The following SSH1 variants were observed in gnomAD, a reference collection of about 807,000 sequenced individuals.
The protein encoded by SSH1 is protein phosphatase Slingshot homolog 1.
SSH1 carries 43 observed loss-of-function variants against 79.7 expected under a neutral mutation model. The ratio of observed to expected loss-of-function variants is 0.54; its 90% CI spans 0.42 to 0.70. The LOEUF (loss-of-function observed/expected upper bound fraction) is 0.70. Ranked by LOEUF, SSH1 falls within the 30% of genes least tolerant of loss-of-function variation. The probability of loss-of-function intolerance (pLI) is 0.00; values close to 1 mark genes in which losing one functional copy is unlikely to be tolerated. For synonymous variants in SSH1, 599 were observed against 538.3 expected, an observed-to-expected ratio of 1.11 and a Z score of -1.56; for missense variants, 1,206 against 1,358.8, an observed-to-expected ratio of 0.89 and a Z score of 1.77.
chr12:108,778,228 A>G lies in SSH1; in HGVS notation c.*9760T>C, dbSNP rs571472820. ...GGAGATTTATTGTTTGCACCTGTCT[A>G]TAAGTACTTGCCCACAAGTTAAACA... On this transcript the variant is annotated 3_prime_UTR_variant, in exon 15 of 15. Transcript: ENST00000326495. The G allele has an allele frequency of 1.3e-5, 2 of 152,352 alleles. No homozygotes were observed. The highest frequency in any genetic ancestry group is 4.1e-4 in the South Asian group (2 of 4,824). The allele number at this position is 152,352 out of a possible 1,614,324, so 9.4% of individuals were successfully genotyped here.
intron 2 of SSH1, among the ~76,000 whole-genome samples, chr12:108,840,515 G>A (rs572505355): frequency 6.6e-5 from 10 of 151,688 alleles, no homozygotes; most frequent in East Asian, 1.9e-4. Flanking sequence ...CCTGGGTGAC[G>A]GAGCAAGACT....
At chr12:108,798,830 AAT>A (rs1379807704) in intron 13 of SSH1, among the ~76,000 whole-genome samples, 168 bp downstream of exon 13, 3 of 152,194 alleles carry the variant, frequency 2.0e-5, no homozygotes, top group African/African-American at 7.2e-5. Flanking sequence ...AAGCCCAAAC[AAT>A]AGTTGTTTTT....
In SSH1 at chr12:108,823,380, G is replaced by T; in HGVS notation, c.111-19C>A. 6.4e-7 allele frequency: 1 copy of T among 1,551,096 alleles called. No homozygotes were observed. Among genetic ancestry groups the T allele is most frequent in the Non-Finnish European group, 8.7e-7 (1 of 1,143,290 alleles). On this transcript the variant is annotated intron_variant, in intron 2 of 14. Coordinates refer to ENST00000326495, the MANE Select transcript of SSH1 (RefSeq NM_018984.4). The stretch of plus-strand genomic sequence containing the variant: ...ACTTAAGCTGGGAAGGATAAGACCA[G>T]AGCACAGTTAGACCGGAATTCAGAC...
At chr12:108,839,706 A>G (rs1344560211) in intron 2 of SSH1, among the ~76,000 whole-genome samples, 1 of 152,224 alleles carries the variant, frequency 6.6e-6, no homozygotes, top group Non-Finnish European at 1.5e-5. Flanking sequence ...AAAAACTGTA[A>G]AAGTAAAGGC....
At chr12:108,823,001 C>T (rs2038180086) in intron 3 of SSH1, among the ~76,000 whole-genome samples, 1 of 152,244 alleles carries the variant, frequency 6.6e-6, no homozygotes, top group African/African-American at 2.4e-5. Flanking sequence ...TGATAAACTA[C>T]AGAGAGGAAA....
At position 108,848,938 on chromosome 12, in the gene SSH1, G is replaced by C. The variant is rs536502892; in HGVS notation, c.110+3700C>G. Among the ~76,000 whole-genome samples the C allele has an allele frequency of 3.3e-5, 5 of 152,264 alleles. No individual in the cohort carries two copies. The East Asian group carries it at 9.7e-4, about 29-fold the overall frequency. ...TGCCACCAGTTGGCATGAGTCCTTGGTGCTGGCCCTGGCGCTGCTGCTAAT... is the reference window on the plus strand; with the variant it reads ...TGCCACCAGTTGGCATGAGTCCTTGCTGCTGGCCCTGGCGCTGCTGCTAAT... On this transcript the variant is annotated intron_variant, in intron 2 of 14. Coordinates refer to ENST00000326495, the MANE Select transcript of SSH1 (RefSeq NM_018984.4).
chr12:108,792,192 T>C (rs201424919), intron 14 of SSH1, 94 bp downstream of exon 14: 3 of 1,572,886 alleles, frequency 1.9e-6, no homozygotes, highest in East Asian at 2.3e-5. Flanking sequence ...TGGTGGCGGG[T>C]GCCTGTAGTC....
rs1343621037 is a variant in SSH1, at chr12:108,835,917, C to T, written c.111-12556G>A. Among the ~76,000 whole-genome samples, 51 of 74,396 alleles carry T rather than the reference C, an allele frequency of 6.9e-4. 7 individuals carry two copies. Among genetic ancestry groups the T allele is most frequent in the African/African-American group, 2.7e-3 (48 of 17,840 alleles). 48.8% of individuals were successfully genotyped at this position (74,396 alleles called of 152,430 possible). ...ACTATATTAATATAATTAATTATAA[C>T]TATATTAATATAATCAATTATAACT... On this transcript the variant is annotated intron_variant, in intron 2 of 14. Coordinates refer to ENST00000326495, the MANE Select transcript of SSH1 (RefSeq NM_018984.4).
rs1188377379 is a variant in SSH1, at chr12:108,782,044, G to A, written c.*5944C>T. ...GTGGGAGGATTGCTTGAGGCAGGAG[G>A]ATCACTTTAGCCTAGGAAGTCGAGG... is the stretch of plus-strand genomic sequence containing the variant. On this transcript the variant is annotated 3_prime_UTR_variant, in exon 15 of 15. Coordinates refer to ENST00000326495, the MANE Select transcript of SSH1 (RefSeq NM_018984.4). 6.7e-6 allele frequency: 1 copy of A among 150,096 alleles called. No homozygotes were observed. The highest frequency in any genetic ancestry group is 2.0e-4 in the East Asian group (1 of 5,126). 9.3% of individuals were successfully genotyped at this position (150,096 alleles called of 1,614,324 possible).
chr12:108,814,005 C>T (rs925892064), intron 5 of SSH1, among the ~76,000 whole-genome samples: 2 of 152,114 alleles, frequency 1.3e-5, no homozygotes, highest in Non-Finnish European at 2.9e-5. Flanking sequence ...GGGTGGATCA[C>T]TTGAGGTCAG....
rs2036165123 is a variant in SSH1 at position 108,782,734 on chromosome 12, C to T, written c.*5254G>A. The T allele has an allele frequency of 6.6e-6, 1 of 152,088 alleles. No homozygotes were observed. Among genetic ancestry groups the T allele is most frequent in the African/African-American group, 2.4e-5 (1 of 41,398 alleles). 9.4% of individuals were successfully genotyped at this position (152,088 alleles called of 1,614,324 possible). A position where few individuals can be genotyped will look rare whatever the true frequency, so the allele number is the denominator to read the frequency against. ...AAGTTTATTTTCATCACAAGAAGCA[C>T]ACACACTATATACAATACACACCAA... is the stretch of plus-strand genomic sequence containing the variant. On this transcript the variant is annotated 3_prime_UTR_variant, in exon 15 of 15. Transcript: ENST00000326495.
chr12:108,823,494 A>G (rs1373805115), intron 2 of SSH1, 133 bp from the exon 3 acceptor site: 2 of 750,516 alleles, frequency 2.7e-6, no homozygotes, highest in East Asian at 2.7e-5. Context: ...AACTGCTTTT[A>G]TAATAATTCC....
At chr12:108,792,184 G>C in intron 14 of SSH1, 102 bp downstream of exon 14, 1 of 1,576,018 alleles carries the variant, frequency 6.3e-7, no homozygotes, top group South Asian at 1.1e-5. Context: ...GCTGGGTGTG[G>C]TGGCGGGTGC....
intron 9 of SSH1, 42 bp downstream of exon 9, chr12:108,806,259 T>C (rs2037266346): frequency 6.4e-7 from 1 of 1,571,636 alleles, no homozygotes; most frequent in African/African-American, 1.4e-5. Context: ...ACATGGAGGC[T>C]GCATGACCTC....
intron 13 of SSH1, among the ~76,000 whole-genome samples, chr12:108,796,509 G>A (rs73410914): frequency 7.9e-4 from 121 of 152,312 alleles, no homozygotes; most frequent in African/African-American, 2.8e-3. Context: ...CATGACTGTC[G>A]TAGCCTGTGT....
At chr12:108,849,659 T>C (rs1322276221) in intron 2 of SSH1, among the ~76,000 whole-genome samples, 1 of 151,490 alleles carries the variant, frequency 6.6e-6, no homozygotes, top group Non-Finnish European at 1.5e-5. Flanking sequence ...TCTTATTAAC[T>C]GAAAACACTA....
Position 108,792,662 on chromosome 12 carries a change from G to T in SSH1, c.1517C>A (p.Pro506His), listed in dbSNP as rs780502277. 3.1e-6 allele frequency: 5 copies of T among 1,612,004 alleles called. No homozygotes were observed. In the South Asian group the frequency reaches 5.5e-5, roughly 18 times the overall value. Residue 506 changes from proline (P) to histidine (H), a missense_variant, in exon 14 of 15, where the codon CCC (proline) becomes CAC (histidine). Physicochemically the swap from Pro to His is moderately conservative, Grantham distance 77. Coordinates refer to ENST00000326495, the MANE Select transcript of SSH1 (RefSeq NM_018984.4). ...GAGTCGCCGGAAACAGCAGGGGAGG[G>T]GGGGCCCTAAGCCGGGCTGGGCGGC... The part of the protein sequence containing the change: ...DDAAQPGLGP[P>H]LPCCFRRLSD...
At chr12:108,852,001 A>G (rs2039048875) in intron 2 of SSH1, among the ~76,000 whole-genome samples, 1 of 152,168 alleles carries the variant, frequency 6.6e-6, no homozygotes, top group African/African-American at 2.4e-5. Flanking sequence ...TGAGGCCAGG[A>G]GTCCAAGACC....
chr12:108,793,019 G>C (rs1054157485), intron 13 of SSH1, among the ~76,000 whole-genome samples, 190 bp from the exon 14 acceptor site: 3 of 152,168 alleles, frequency 2.0e-5, no homozygotes, highest in Admixed American at 2.0e-4. Context: ...AACAGCACTG[G>C]CTCCTAAGTT....
Sources: gnomAD v4.1 joint callset for allele counts (sites outside exome capture counted in the v4.1 genomes callset) on GRCh38, gnomAD v4.1.1 for gene constraint, MANE v1.5 for transcripts, NCBI Gene and HGNC (gene_info 2026-07-23, HGNC 2026-07-21) for gene names.